WDR7: variants seen among roughly 807,000 people sequenced by gnomAD.
WDR7 encodes WD repeat-containing protein 7.
In WDR7, 46 loss-of-function variants were observed where a neutral mutation model predicts 169.4. The ratio of observed to expected loss-of-function variants is 0.27; its 90% CI spans 0.21 to 0.35. The LOEUF is 0.35. Ranked by LOEUF, WDR7 falls within the 10% of genes least tolerant of loss-of-function variation. The probability of loss-of-function intolerance (pLI) is 1.00; values close to 1 mark genes in which losing one functional copy is unlikely to be tolerated. For missense variants in WDR7, 1,534 were observed against 1,859.3 expected, an observed-to-expected ratio of 0.83 and a Z score of 3.22; for synonymous variants, 612 against 666.8, an observed-to-expected ratio of 0.92 and a Z score of 1.27.
At chr18:56,657,897 C>G (rs1229913577) in intron 1 of WDR7, among the ~76,000 whole-genome samples, 1 of 150,432 alleles carries the variant, frequency 6.6e-6, no homozygotes, top group Non-Finnish European at 1.5e-5. Flanking sequence ...GATTTTTTTT[C>G]AAACTATGTT....
intron 20 of WDR7, among the ~76,000 whole-genome samples, chr18:56,824,422 A>G (rs187621181): frequency 6.6e-6 from 1 of 152,328 alleles, no homozygotes; most frequent in East Asian, 1.9e-4. Context: ...ACCTTCTTGT[A>G]TGCCTAGCAC....
At chr18:56,925,989 A>G (rs2046801551) in intron 22 of WDR7, among the ~76,000 whole-genome samples, 1 of 152,264 alleles carries the variant, frequency 6.6e-6, no homozygotes, top group Non-Finnish European at 1.5e-5. Context: ...AATAGTGAGC[A>G]TATATTAAGA....
chr18:56,820,531 A>T (rs957541908), intron 20 of WDR7, among the ~76,000 whole-genome samples: 1 of 151,984 alleles, frequency 6.6e-6, no homozygotes, highest in African/African-American at 2.4e-5. Context: ...GAGCAAATAT[A>T]TATCTTCCCA....
chr18:56,781,709 T>C, intron 19 of WDR7, 53 bp downstream of exon 19: 2 of 1,441,816 alleles, frequency 1.4e-6, no homozygotes, highest in South Asian at 1.6e-5. Flanking sequence ...GTAGAAAAGG[T>C]ACCTGTACTC....
Position 56,766,211 on chromosome 18 carries a change from T to C in WDR7, c.2848+7258T>C, listed in dbSNP as rs564255945. Among the ~76,000 whole-genome samples, 96 of 152,316 alleles carry C rather than the reference T, an allele frequency of 6.3e-4. No individual in the cohort carries two copies. In the South Asian group the frequency reaches 0.012, roughly 19 times the overall value. On this transcript the variant is annotated intron_variant, in intron 16 of 27. Transcript: ENST00000254442. Reference sequence around the variant, plus strand: ...GCTTTTAAGATTTTCCGTTTATCACTGGTTTTGAGCAGTTTGATTGTGTGG... The same window carrying C: ...GCTTTTAAGATTTTCCGTTTATCACCGGTTTTGAGCAGTTTGATTGTGTGG...
chr18:56,835,870 T>C (rs1411736406), intron 20 of WDR7, among the ~76,000 whole-genome samples: 3 of 152,204 alleles, frequency 2.0e-5, no homozygotes, highest in African/African-American at 7.2e-5. Flanking sequence ...TTCAGGTTCC[T>C]CTGGTATTAA....
chr18:56,753,420 C>T (rs1363964715), intron 14 of WDR7: 1 of 152,048 alleles, frequency 6.6e-6, no homozygotes, highest in Non-Finnish European at 1.5e-5. Context: ...ATGATTGGTC[C>T]CTGATTTTGA....
At chr18:56,803,301 A>G (rs1036434275) in intron 19 of WDR7, among the ~76,000 whole-genome samples, 5 of 152,216 alleles carry the variant, frequency 3.3e-5, no homozygotes, top group African/African-American at 4.8e-5. Flanking sequence ...CTAGCACAAT[A>G]TTAAAACCAG....
intron 20 of WDR7, among the ~76,000 whole-genome samples, chr18:56,844,238 G>C (rs2045533422): frequency 6.6e-6 from 1 of 151,832 alleles, no homozygotes; most frequent in Non-Finnish European, 1.5e-5. Context: ...TTGTGATTTT[G>C]ATTTGAATTT....
downstream of WDR7, chr18:57,034,104 G>T (rs540748398): frequency 6.6e-5 from 10 of 152,374 alleles, no homozygotes; most frequent in Non-Finnish European, 1.2e-4. Context: ...AGCCGAGATT[G>T]TGCCACTGCA....
At chr18:56,937,235 A>C (rs2046972670) in intron 23 of WDR7, among the ~76,000 whole-genome samples, 1 of 152,196 alleles carries the variant, frequency 6.6e-6, no homozygotes, top group Non-Finnish European at 1.5e-5. Flanking sequence ...ACCTTTAAAA[A>C]GAAGTTTTCA....
At chr18:56,981,334 A>G (rs1388614531) in intron 26 of WDR7, among the ~76,000 whole-genome samples, 1 of 152,172 alleles carries the variant, frequency 6.6e-6, no homozygotes, top group Non-Finnish European at 1.5e-5. Context: ...TAGCTCTGAG[A>G]TACCTAACAA....
chr18:56,784,479 G>T (rs958053358), intron 19 of WDR7, among the ~76,000 whole-genome samples: 1 of 152,024 alleles, frequency 6.6e-6, no homozygotes, highest in Admixed American at 6.6e-5. Context: ...CACTCTGTGT[G>T]ACTTTGCATA....
intron 21 of WDR7, among the ~76,000 whole-genome samples, chr18:56,899,691 T>C (rs2046374749): frequency 6.6e-6 from 1 of 152,096 alleles, no homozygotes; most frequent in Non-Finnish European, 1.5e-5. Context: ...TTGTTACCTT[T>C]AGTTTTGTAT....
At chr18:56,968,341 A>G (rs1211953704) in intron 26 of WDR7, among the ~76,000 whole-genome samples, 3 of 152,218 alleles carry the variant, frequency 2.0e-5, no homozygotes, top group Non-Finnish European at 4.4e-5. Flanking sequence ...TAAAAATATA[A>G]TATGACATGG....
intron 9 of WDR7, among the ~76,000 whole-genome samples, chr18:56,693,600 C>T (rs1173436490): frequency 5.6e-5 from 6 of 107,182 alleles, no homozygotes; most frequent in East Asian, 3.2e-4. Context: ...GAGATGGAGT[C>T]GCCCTTTGAC....
Position 56,757,605 on chromosome 18 carries a change from A to T in WDR7, c.2759+253A>T, listed in dbSNP as rs1456294216. Reference sequence around the variant, plus strand: ...AATTTGGAATGAGGGAGTTGGTCATATAGACTAGCTCTTGTAAATATAATT... The same window carrying T: ...AATTTGGAATGAGGGAGTTGGTCATTTAGACTAGCTCTTGTAAATATAATT... On this transcript the variant is annotated intron_variant, in intron 15 of 27. Coordinates refer to ENST00000254442, the MANE Select transcript of WDR7 (RefSeq NM_015285.3). Among the ~76,000 whole-genome samples the T allele has an allele frequency of 4.6e-5, 7 of 152,294 alleles. No homozygotes were observed. The East Asian group carries it at 1.4e-3, about 29-fold the overall frequency.
chr18:56,970,951 T>G (rs989762276), intron 26 of WDR7, among the ~76,000 whole-genome samples: 2 of 152,150 alleles, frequency 1.3e-5, no homozygotes, highest in African/African-American at 2.4e-5. Context: ...ATGGAAAGAC[T>G]TTTGAACTGT....
intron 12 of WDR7, among the ~76,000 whole-genome samples, chr18:56,701,264 G>A (rs2025828420): frequency 6.6e-6 from 1 of 152,150 alleles, no homozygotes; most frequent in Non-Finnish European, 1.5e-5. Flanking sequence ...AGACCTGAGA[G>A]GTTTGACTAA....
Sources: allele counts gnomAD v4.1 joint callset (sites outside exome capture counted in the v4.1 genomes callset), GRCh38; gene constraint gnomAD v4.1.1; transcripts MANE v1.5; gene names NCBI Gene and HGNC (gene_info 2026-07-23, HGNC 2026-07-21).